Variants in SDCCAG8 observed in about 807,000 individuals in gnomAD.
SDCCAG8 encodes serologically defined colon cancer antigen 8.
SDCCAG8 carries 74 observed loss-of-function variants against 101.8 expected under a neutral mutation model. The observed-to-expected ratio is 0.73, with a 90% CI of 0.60 to 0.88. The LOEUF (loss-of-function observed/expected upper bound fraction) is 0.88. SDCCAG8 is among the 40% of genes least tolerant of loss of function. SDCCAG8 has a pLI of 0.00. For synonymous variants in SDCCAG8, 281 were observed against 292.9 expected, an observed-to-expected ratio of 0.96 and a Z score of 0.41; for missense variants, 787 against 822.6, an observed-to-expected ratio of 0.96 and a Z score of 0.53.
rs142067349 is a variant in SDCCAG8 at position 243,372,978 on chromosome 1, A to G, written c.1474-5743A>G. Among the ~76,000 whole-genome samples, 813 of 148,886 alleles carry G rather than the reference A, an allele frequency of 5.5e-3. 14 individuals are homozygous for G. Among genetic ancestry groups the G allele is most frequent in the African/African-American group, 0.018 (742 of 40,802 alleles). On this transcript the variant is annotated intron_variant, in intron 12 of 17. Transcript: ENST00000366541. ...TCTATATATATATCTTAATATATAT[A>G]TAAGATAAGATAAAATAAAAGTAGA...
At chr1:243,287,410 T>G (rs2069733270) in intron 5 of SDCCAG8, among the ~76,000 whole-genome samples, 1 of 152,084 alleles carries the variant, frequency 6.6e-6, no homozygotes, top group South Asian at 2.1e-4. Context: ...TTTTCGTTTT[T>G]GAAGTTTTTT....
chr1:243,380,240 G>A (rs2077856157), intron 13 of SDCCAG8, among the ~76,000 whole-genome samples: 2 of 152,148 alleles, frequency 1.3e-5, no homozygotes, highest in African/African-American at 4.8e-5. Context: ...TTAAACTATT[G>A]TCATTGTAGA....
At chr1:243,422,036 C>T (rs758555807) in intron 15 of SDCCAG8, among the ~76,000 whole-genome samples, 23 of 152,142 alleles carry the variant, frequency 1.5e-4, no homozygotes, top group Non-Finnish European at 3.1e-4. Flanking sequence ...TGAGCCTCTG[C>T]CAGCCACAGA....
chr1:243,472,347 G>C (rs968019909), intron 16 of SDCCAG8, among the ~76,000 whole-genome samples: 2 of 152,156 alleles, frequency 1.3e-5, no homozygotes, highest in African/African-American at 2.4e-5. Context: ...TTGAGTCCCT[G>C]AGAGTAGCTG....
Position 243,475,128 on chromosome 1 carries a change from C to T in SDCCAG8, c.1986-13886C>T, listed in dbSNP as rs111805291. ...CCAAGCTCTGTCCTGCAGCCCCTCCCGGACACGCACAGGCCCTGAGCCCTG... is the reference window on the plus strand; with the variant it reads ...CCAAGCTCTGTCCTGCAGCCCCTCCTGGACACGCACAGGCCCTGAGCCCTG... On this transcript the variant is annotated intron_variant, in intron 16 of 17. Coordinates refer to ENST00000366541, the MANE Select transcript of SDCCAG8 (RefSeq NM_006642.5). Among the ~76,000 whole-genome samples the T allele has an allele frequency of 1.8e-3, 278 of 152,214 alleles. 4 individuals are homozygous for T. Among genetic ancestry groups the T allele is most frequent in the African/African-American group, 6.2e-3 (259 of 41,540 alleles).
intron 12 of SDCCAG8, among the ~76,000 whole-genome samples, chr1:243,356,815 T>G (rs1037520659): frequency 6.6e-6 from 1 of 150,770 alleles, no homozygotes; most frequent in Non-Finnish European, 1.5e-5. Context: ...TGTGACCCCA[T>G]CTCTACAAAA....
At position 243,391,496 on chromosome 1, in the gene SDCCAG8, C is replaced by T. The variant is rs914345000; in HGVS notation, c.1616+12633C>T. On this transcript the variant is annotated intron_variant, in intron 13 of 17. Transcript: ENST00000366541. ...CTAGCTGAGCTAAGAGTGTGCTCCA[C>T]CTTGGCTCTGTGTGGCCTCTCCCCA... Among the ~76,000 whole-genome samples the T allele has an allele frequency of 5.9e-5, 9 of 152,328 alleles. No individual in the cohort carries two copies. The South Asian group carries it at 1.9e-3, about 32-fold the overall frequency.
At chr1:243,489,640 C>T (rs1195136293) in intron 17 of SDCCAG8, among the ~76,000 whole-genome samples, 1 of 152,224 alleles carries the variant, frequency 6.6e-6, no homozygotes, top group Admixed American at 6.5e-5. Context: ...GCTTGCAGAG[C>T]ACCCGGCAGT....
At chr1:243,285,073 G>A (rs2069469392) in intron 4 of SDCCAG8, among the ~76,000 whole-genome samples, 1 of 152,050 alleles carries the variant, frequency 6.6e-6, no homozygotes, top group Non-Finnish European at 1.5e-5. Flanking sequence ...AGTAGAGATG[G>A]GGTTTCACCG....
At chr1:243,419,218 C>G (rs1197025053) in intron 15 of SDCCAG8, among the ~76,000 whole-genome samples, 1 of 152,056 alleles carries the variant, frequency 6.6e-6, no homozygotes, top group Non-Finnish European at 1.5e-5. Context: ...GCGCACCTTC[C>G]TAGCGTATAC....
intron 9 of SDCCAG8, among the ~76,000 whole-genome samples, chr1:243,320,054 C>A (rs755552713): frequency 9.2e-5 from 14 of 152,290 alleles, no homozygotes; most frequent in Non-Finnish European, 1.8e-4. Context: ...ATTGAACTCA[C>A]ACATTCACTC....
intron 10 of SDCCAG8, among the ~76,000 whole-genome samples, chr1:243,332,704 C>T (rs534438927): frequency 3.4e-4 from 52 of 151,518 alleles, no homozygotes; most frequent in Admixed American, 6.6e-4. Context: ...AGGTGATTTT[C>T]GCGGTCCAGG....
chr1:243,364,605 C>A (rs1396094660), intron 12 of SDCCAG8, among the ~76,000 whole-genome samples: 1 of 152,090 alleles, frequency 6.6e-6, no homozygotes, highest in African/African-American at 2.4e-5. Flanking sequence ...ATTAAGTGAT[C>A]CAGACTACAA....
intron 10 of SDCCAG8, among the ~76,000 whole-genome samples, chr1:243,333,767 G>A (rs1165037292): frequency 6.6e-6 from 1 of 152,046 alleles, no homozygotes; most frequent in African/African-American, 2.4e-5. Context: ...GGAGAATGAT[G>A]ATGTGTGCTT....
intron 6 of SDCCAG8, among the ~76,000 whole-genome samples, chr1:243,295,786 T>C (rs1015150406): frequency 6.6e-6 from 1 of 152,174 alleles, no homozygotes; most frequent in African/African-American, 2.4e-5. Flanking sequence ...CTCTTCCCTT[T>C]TCTGCATTAG....
intron 16 of SDCCAG8, among the ~76,000 whole-genome samples, chr1:243,454,608 A>G (rs917648600): frequency 6.6e-6 from 1 of 152,200 alleles, no homozygotes; most frequent in African/African-American, 2.4e-5. Context: ...CCAGCTAAGC[A>G]TATGTTATCT....
intron 14 of SDCCAG8, among the ~76,000 whole-genome samples, chr1:243,417,068 A>T (rs563584361): frequency 1.3e-5 from 2 of 152,176 alleles, no homozygotes; most frequent in African/African-American, 2.4e-5. Flanking sequence ...TAAATAATCT[A>T]TTTACTTATG....
intron 13 of SDCCAG8, among the ~76,000 whole-genome samples, chr1:243,388,774 T>C (rs2078487090): frequency 6.6e-6 from 1 of 151,376 alleles, no homozygotes; most frequent in South Asian, 2.1e-4. Context: ...TTTGGGAGGC[T>C]ACATGGTGGT....
Position 243,489,230 on chromosome 1 carries a change from C to T in SDCCAG8, c.2112+90C>T, listed in dbSNP as rs571164482. The T allele has an allele frequency of 2.3e-4, 345 of 1,491,202 alleles. 1 individual carries two copies. The highest frequency in any genetic ancestry group is 3.0e-4 in the Non-Finnish European group (333 of 1,097,218). 92.4% of individuals were successfully genotyped at this position (1,491,202 alleles called of 1,614,324 possible). On this transcript the variant is annotated intron_variant, in intron 17 of 17. Transcript: ENST00000366541. Reference sequence around the variant, plus strand: ...GCACCTCAACAGGCCGGCTTTCTCACGGATCACATCGGTTAGCAGTAAGCT... The same window carrying T: ...GCACCTCAACAGGCCGGCTTTCTCATGGATCACATCGGTTAGCAGTAAGCT...
Sources: allele counts gnomAD v4.1 joint callset (sites outside exome capture counted in the v4.1 genomes callset), GRCh38; gene constraint gnomAD v4.1.1; transcripts MANE v1.5; gene names NCBI Gene and HGNC (gene_info 2026-07-23, HGNC 2026-07-21).